The following PLOD1 variants were observed in gnomAD, a reference collection of about 807,000 sequenced individuals.
PLOD1 encodes procollagen-lysine,2-oxoglutarate 5-dioxygenase 1, also known as lysine hydroxylase.
Under a neutral mutation model 94.7 loss-of-function variants are expected in PLOD1, and 70 were observed. The ratio of observed to expected loss-of-function variants is 0.74; its 90% CI spans 0.61 to 0.90. The LOEUF is 0.90. PLOD1 is among the 40% of genes least tolerant of loss of function. PLOD1 has a pLI of 0.00. For missense variants in PLOD1, 905 were observed against 972.7 expected, an observed-to-expected ratio of 0.93 and a Z score of 0.93; for synonymous variants, 417 against 400.2, an observed-to-expected ratio of 1.04 and a Z score of -0.50.
chr1:11,960,550 G>A (rs1645770581), intron 9 of PLOD1, 96 bp from the exon 10 acceptor site: 8 of 898,782 alleles, frequency 8.9e-6, no homozygotes, highest in Middle Eastern at 3.2e-4. Flanking sequence ...AGATGAAGGG[G>A]CACAGCCTGG....
chr1:11,957,338 A>T lies in PLOD1; in HGVS notation c.741+324A>T. On this transcript the variant is annotated intron_variant, in intron 7 of 18. Transcript: ENST00000196061. This position sits in a 1 kb window ranked among gnomAD's most constrained non-coding sequence, Gnocchi z 4.1. The stretch of plus-strand genomic sequence containing the variant: ...TATTCACTCAGTAAACCTTTATTTC[A>T]TGTTTGCACCAGACAGTAAGACATA... 2.0e-6 allele frequency: 1 copy of T among 499,394 alleles called. No individual in the cohort carries two copies. Among genetic ancestry groups the T allele is most frequent in the Non-Finnish European group, 3.8e-6 (1 of 261,198 alleles). The allele number at this position is 499,394 out of a possible 1,614,324, so 30.9% of individuals were successfully genotyped here.
chr1:11,940,206 A>G (rs1480946589), intron 1 of PLOD1, among the ~76,000 whole-genome samples: 1 of 152,160 alleles, frequency 6.6e-6, no homozygotes, highest in African/African-American at 2.4e-5. Context: ...AATTTTTTGT[A>G]GAGACAGGGT....
chr1:11,950,009 C>G (rs1645688113), intron 3 of PLOD1, 103 bp downstream of exon 3: 1 of 1,235,976 alleles, frequency 8.1e-7, no homozygotes, highest in Non-Finnish European at 1.2e-6. Flanking sequence ...GGGGACCACT[C>G]TAGCTAAGGT....
At chr1:11,950,657 A>C in intron 4 of PLOD1, 137 bp downstream of exon 4, 1 of 720,046 alleles carries the variant, frequency 1.4e-6, no homozygotes, top group Non-Finnish European at 2.3e-6. Flanking sequence ...AGAGCTCCTG[A>C]CTTTTCAACC....
At chr1:11,949,672 G>A in intron 2 of PLOD1, 101 bp from the exon 3 acceptor site, 4 of 1,238,606 alleles carry the variant, frequency 3.2e-6, no homozygotes, top group Non-Finnish European at 4.7e-6. Flanking sequence ...CACACGTCTC[G>A]GCCTCCCAAA....
chr1:11,957,875 C>T lies in PLOD1; in HGVS notation c.775C>T (p.Arg259Cys), dbSNP rs1181531160. ...QLNYLGNYIP[R>C]FWTFETGCTV... Reference sequence around the variant, plus strand: ...GAACTACCTGGGCAACTACATCCCGCGCTTCTGGACCTTCGAAACAGGCTG... The same window carrying T: ...GAACTACCTGGGCAACTACATCCCGTGCTTCTGGACCTTCGAAACAGGCTG... Residue 259 changes from arginine (R) to cysteine (C), a missense_variant, in exon 8 of 19, where the codon CGC (arginine) becomes TGC (cysteine). Physicochemically the swap from Arg to Cys is radical, Grantham distance 180. Transcript: ENST00000196061. This position sits in a 1 kb window ranked among gnomAD's most constrained non-coding sequence, Gnocchi z 4.1. 15 of 1,614,098 alleles carry T rather than the reference C, an allele frequency of 9.3e-6. No homozygotes were observed. The highest frequency in any genetic ancestry group is 5.0e-5 in the Admixed American group (3 of 60,012).
intron 1 of PLOD1, among the ~76,000 whole-genome samples, chr1:11,942,284 T>C (rs540612863): frequency 3.3e-4 from 50 of 152,324 alleles, no homozygotes; most frequent in Middle Eastern, 6.8e-3. Flanking sequence ...TGAGCCACTG[T>C]GTCAGGCCTC....
In PLOD1 at chr1:11,957,587, C is replaced by G. The variant is rs1645747818; in HGVS notation, c.742-255C>G. On this transcript the variant is annotated intron_variant, in intron 7 of 18. Coordinates refer to ENST00000196061, the MANE Select transcript of PLOD1 (RefSeq NM_000302.4). The surrounding 1 kb of genome is among the most constrained non-coding windows in gnomAD (Gnocchi z 4.1). ...CACCCAGGATCTGTTCAGATGGAAT[C>G]TCTGAGCGGGGTGGGACCCAGGAAT... Among the ~76,000 whole-genome samples the G allele has an allele frequency of 6.6e-6, 1 of 152,212 alleles. No individual in the cohort carries two copies. Among genetic ancestry groups the G allele is most frequent in the African/African-American group, 2.4e-5 (1 of 41,462 alleles).
In PLOD1 at chr1:11,966,259, G is replaced by A; in HGVS notation, c.1593G>A (p.Lys531=). ...WEVFSNPEDW[K]EKYIHQNYTK... ...CTTCCCACTTCCCACAGGACTGGAAGGAGAAGTACATCCACCAGAACTACA... is the reference window on the plus strand; with the variant it reads ...CTTCCCACTTCCCACAGGACTGGAAAGAGAAGTACATCCACCAGAACTACA... Residue 531 remains lysine, a synonymous_variant, in exon 15 of 19, where the codon AAG becomes AAA. Coordinates refer to ENST00000196061, the MANE Select transcript of PLOD1 (RefSeq NM_000302.4). 1 of 1,605,812 alleles carries A rather than the reference G, an allele frequency of 6.2e-7. No homozygotes were observed.
intron 1 of PLOD1, 132 bp from the exon 2 acceptor site, chr1:11,947,844 G>A (rs1372472606): frequency 2.8e-6 from 2 of 704,080 alleles, no homozygotes; most frequent in South Asian, 1.6e-5. Flanking sequence ...TCTTCCCTGG[G>A]CCCTGTTCTG....
chr1:11,948,811 T>C (rs1645676065), intron 2 of PLOD1, among the ~76,000 whole-genome samples: 1 of 152,084 alleles, frequency 6.6e-6, no homozygotes, highest in Non-Finnish European at 1.5e-5. Flanking sequence ...GTGTCATCTG[T>C]GTGCAGTCCA....
intron 1 of PLOD1, chr1:11,944,559 T>C: frequency 7.4e-7 from 1 of 1,354,460 alleles, no homozygotes; most frequent in Non-Finnish European, 9.8e-7. Context: ...CTGGTGGCTC[T>C]GGTTCTCTTC....
intron 15 of PLOD1, chr1:11,966,534 G>A (rs918351683): frequency 2.4e-4 from 80 of 338,608 alleles, no homozygotes; most frequent in Non-Finnish European, 4.3e-4. Flanking sequence ...GGGGGTGGGG[G>A]GAGGCAGGAT....
chr1:11,938,834 G>C (rs1459927812), intron 1 of PLOD1, among the ~76,000 whole-genome samples: 2 of 152,280 alleles, frequency 1.3e-5, no homozygotes, highest in South Asian at 2.1e-4. Flanking sequence ...GGGGTACAGA[G>C]CACCTCACTT....
At chr1:11,962,140 G>A (rs1645782254) in intron 10 of PLOD1, among the ~76,000 whole-genome samples, 1 of 151,860 alleles carries the variant, frequency 6.6e-6, no homozygotes, top group Non-Finnish European at 1.5e-5. Context: ...ATGTTGCCCA[G>A]GCTGGTCTCA....
intron 4 of PLOD1, 60 bp from the exon 5 acceptor site, chr1:11,952,563 C>T: frequency 8.1e-7 from 1 of 1,227,690 alleles, no homozygotes; most frequent in Non-Finnish European, 1.2e-6. Context: ...GGAGGAGGCC[C>T]CTGACTTAGA....
At position 11,963,266 on chromosome 1, in the gene PLOD1, G is replaced by T. The variant is rs964093393; in HGVS notation, c.1098-266G>T. Among the ~76,000 whole-genome samples, 1 of 152,194 alleles carries T rather than the reference G, an allele frequency of 6.6e-6. No individual in the cohort carries two copies. Among genetic ancestry groups the T allele is most frequent in the African/African-American group, 2.4e-5 (1 of 41,450 alleles). ...CAGCTTACTCCCCACCCTGGGCCATGTAGGCACCTGTGGGCTGTGTTCTTC... is the reference window on the plus strand; with the variant it reads ...CAGCTTACTCCCCACCCTGGGCCATTTAGGCACCTGTGGGCTGTGTTCTTC... On this transcript the variant is annotated intron_variant, in intron 10 of 18. Coordinates refer to ENST00000196061, the MANE Select transcript of PLOD1 (RefSeq NM_000302.4). This position sits in a 1 kb window ranked among gnomAD's most constrained non-coding sequence, Gnocchi z 4.3.
At chr1:11,961,631 C>CT (rs1177366116) in intron 10 of PLOD1, among the ~76,000 whole-genome samples, 2 of 151,912 alleles carry the variant, frequency 1.3e-5, no homozygotes, top group South Asian at 4.1e-4. Context: ...CTTTTTGAGA[C>CT]TTGGTGTCAC....
chr1:11,972,184 C>A lies in PLOD1; in HGVS notation c.1903-688C>A, dbSNP rs910847987. On this transcript the variant is annotated intron_variant, in intron 17 of 18. Coordinates refer to ENST00000196061, the MANE Select transcript of PLOD1 (RefSeq NM_000302.4). This position sits in a 1 kb window ranked among gnomAD's most constrained non-coding sequence, Gnocchi z 4.6. ...TTGTCTTTTCATTCATTCCTTCGTTCCTTTCTTCCCTTCCTTCCTTCCTTC... is the reference window on the plus strand; with the variant it reads ...TTGTCTTTTCATTCATTCCTTCGTTACTTTCTTCCCTTCCTTCCTTCCTTC... 1 of 152,954 alleles carries A rather than the reference C, an allele frequency of 6.5e-6. No individual in the cohort carries two copies. Among genetic ancestry groups the A allele is most frequent in the African/African-American group, 2.4e-5 (1 of 41,344 alleles). 9.5% of individuals were successfully genotyped at this position (152,954 alleles called of 1,614,324 possible). A position where few individuals can be genotyped will look rare whatever the true frequency, so the allele number is the denominator to read the frequency against.
Sources: allele counts gnomAD v4.1 joint callset (sites outside exome capture counted in the v4.1 genomes callset), GRCh38; gene constraint gnomAD v4.1.1; non-coding constraint Gnocchi (gnomAD v3.1); transcripts MANE v1.5; gene names NCBI Gene and HGNC (gene_info 2026-07-23, HGNC 2026-07-21).